The following OTOGL variants were observed in gnomAD, a reference collection of about 807,000 sequenced individuals.
OTOGL encodes the protein otogelin-like protein.
Under a neutral mutation model 318.5 loss-of-function variants are expected in OTOGL, and 285 were observed. The observed-to-expected ratio is 0.89, with a 90% confidence interval of 0.81 to 0.99. OTOGL has a LOEUF of 0.99. Ranked by LOEUF, OTOGL falls within the 50% of genes least tolerant of loss-of-function variation. OTOGL has a pLI of 0.00. For synonymous variants in OTOGL, 987 were observed against 936.5 expected, an observed-to-expected ratio of 1.05 and a Z score of -0.99; for missense variants, 2,899 against 2,845.6, an observed-to-expected ratio of 1.02 and a Z score of -0.43.
At chr12:80,156,201 A>C (rs944527867) in intron 1 of OTOGL, among the ~76,000 whole-genome samples, 4 of 152,224 alleles carry the variant, frequency 2.6e-5, no homozygotes, top group African/African-American at 9.6e-5. Context: ...GAATGGAAGC[A>C]GGCAGAAGAA....
intron 26 of OTOGL, among the ~76,000 whole-genome samples, chr12:80,291,752 C>T (rs970868801): frequency 1.3e-5 from 2 of 152,204 alleles, no homozygotes; most frequent in African/African-American, 4.8e-5. Flanking sequence ...GCGTCTCCAA[C>T]TGTTTCCTGT....
At chr12:80,292,188 A>G (rs1885090343) in intron 26 of OTOGL, among the ~76,000 whole-genome samples, 1 of 152,114 alleles carries the variant, frequency 6.6e-6, no homozygotes, top group African/African-American at 2.4e-5. Flanking sequence ...GGGTTTCTCC[A>G]TGTTGGTCAG....
intron 1 of OTOGL, among the ~76,000 whole-genome samples, chr12:80,127,650 C>T (rs1870940554): frequency 6.6e-6 from 1 of 152,158 alleles, no homozygotes; most frequent in Non-Finnish European, 1.5e-5. Flanking sequence ...AACTTGGTTC[C>T]ATTCTCTCCG....
At chr12:80,146,655 C>T (rs1872386857) in intron 1 of OTOGL, among the ~76,000 whole-genome samples, 1 of 151,906 alleles carries the variant, frequency 6.6e-6, no homozygotes, top group Non-Finnish European at 1.5e-5. Flanking sequence ...CCTTGTACCT[C>T]TGCTAGAATT....
intron 26 of OTOGL, among the ~76,000 whole-genome samples, chr12:80,292,158 T>G (rs1304157462): frequency 6.6e-6 from 1 of 152,042 alleles, no homozygotes; most frequent in Non-Finnish European, 1.5e-5. Flanking sequence ...CTGGCTAATT[T>G]TGTATTTTTA....
chr12:80,212,086 G>A lies in OTOGL; in HGVS notation c.168+89G>A, dbSNP rs1437008134. ...GTCACTTCAACAATGAGACCTTTGT[G>A]GAGGGGAATAAAATGCTAAGAACAA... On this transcript the variant is annotated intron_variant, in intron 4 of 58. Transcript: ENST00000547103. 5.5e-6 allele frequency: 7 copies of A among 1,280,516 alleles called. No individual in the cohort carries two copies. The Admixed American group carries it at 1.3e-4, about 23-fold the overall frequency. 79.3% of individuals were successfully genotyped at this position (1,280,516 alleles called of 1,614,324 possible).
chr12:80,262,714 C>T (rs1194898496), intron 19 of OTOGL, among the ~76,000 whole-genome samples: 1 of 151,880 alleles, frequency 6.6e-6, no homozygotes, highest in African/African-American at 2.4e-5. Context: ...GTCCAGTTCA[C>T]TTTGCAATAA....
intron 46 of OTOGL, among the ~76,000 whole-genome samples, chr12:80,354,578 T>C (rs1389760754): frequency 6.6e-6 from 1 of 152,134 alleles, no homozygotes; most frequent in Non-Finnish European, 1.5e-5. Flanking sequence ...GTCATAGGCC[T>C]CTTCATTACG....
intron 1 of OTOGL, among the ~76,000 whole-genome samples, chr12:80,109,773 A>AT (rs1372836226): frequency 2.0e-5 from 3 of 152,352 alleles, no homozygotes; most frequent in Admixed American, 6.5e-5. Context: ...TGACCACCAC[A>AT]TTAGTCTTTA....
At chr12:80,170,366 G>A (rs1874123821) in intron 1 of OTOGL, among the ~76,000 whole-genome samples, 1 of 152,010 alleles carries the variant, frequency 6.6e-6, no homozygotes. Context: ...GTGATTATGT[G>A]CCATTGGTAT....
In OTOGL at chr12:80,348,546, C is replaced by A. The variant is rs1217638938; in HGVS notation, c.5266-3749C>A. Among the ~76,000 whole-genome samples, 7 of 152,046 alleles carry A rather than the reference C, an allele frequency of 4.6e-5. No individual in the cohort carries two copies. The East Asian group carries it at 1.3e-3, about 29-fold the overall frequency. On this transcript the variant is annotated intron_variant, in intron 44 of 58. Transcript: ENST00000547103. ...TAGTCTTCTACCACTGAGCTTCATC[C>A]TTGTTTGCAAATCTCTACAAAGCAG...
At chr12:80,376,332 G>T (rs1566026144) in intron 57 of OTOGL, among the ~76,000 whole-genome samples, 1 of 152,086 alleles carries the variant, frequency 6.6e-6, no homozygotes, top group African/African-American at 2.4e-5. Context: ...TCACTCTTTT[G>T]TAAGTAAGGA....
At chr12:80,374,954 A>G (rs1891096094) in intron 57 of OTOGL, among the ~76,000 whole-genome samples, 1 of 152,214 alleles carries the variant, frequency 6.6e-6, no homozygotes, top group South Asian at 2.1e-4. Context: ...TAGAAGGTTC[A>G]GAGAGAAGCT....
intron 53 of OTOGL, among the ~76,000 whole-genome samples, chr12:80,367,116 A>G (rs1337981436): frequency 1.4e-5 from 2 of 147,242 alleles, no homozygotes; most frequent in Non-Finnish European, 3.0e-5. Flanking sequence ...AGCTTGTACT[A>G]CAGACATGCA....
chr12:80,164,296 G>T (rs1565884835), intron 1 of OTOGL, among the ~76,000 whole-genome samples: 1 of 152,058 alleles, frequency 6.6e-6, no homozygotes, highest in African/African-American at 2.4e-5. Flanking sequence ...TAAAAAACTA[G>T]AAGACCATTA....
chr12:80,272,602 A>G (rs530539401), intron 24 of OTOGL, among the ~76,000 whole-genome samples: 2 of 151,956 alleles, frequency 1.3e-5, no homozygotes, highest in South Asian at 4.1e-4. Flanking sequence ...AGTGCCATCT[A>G]AGGCAAACAG....
rs116505511 is a variant in OTOGL, at chr12:80,236,238, A to G, written c.818-2613A>G. On this transcript the variant is annotated intron_variant, in intron 9 of 58. Transcript: ENST00000547103. The stretch of plus-strand genomic sequence containing the variant: ...TCATGTCTACATCTAGCTATGTGAC[A>G]ACATAGAAGTCCTGGTCTACTTTCA... 4.5e-3 allele frequency among the ~76,000 whole-genome samples: 687 copies of G among 152,364 alleles called. 7 individuals carry two copies. Among genetic ancestry groups the G allele is most frequent in the African/African-American group, 0.015 (643 of 41,596 alleles).
intron 1 of OTOGL, among the ~76,000 whole-genome samples, chr12:80,151,540 C>T (rs1369409021): frequency 6.6e-6 from 1 of 152,146 alleles, no homozygotes; most frequent in African/African-American, 2.4e-5. Context: ...TATCTGGAGA[C>T]ATTAAAAGCA....
rs186218284 is a variant in OTOGL at position 80,210,141 on chromosome 12, G to A, written c.79+631G>A. Among the ~76,000 whole-genome samples, 91 of 151,780 alleles carry A rather than the reference G, an allele frequency of 6.0e-4. No individual in the cohort carries two copies. In the East Asian group the frequency reaches 0.013, roughly 21 times the overall value. On this transcript the variant is annotated intron_variant, in intron 2 of 58. Transcript: ENST00000547103. ...TTAAAATGACATAACACACCTTCAC[G>A]TGCCTTCACCCAGTTCCATAACTAT...
Sources: allele counts gnomAD v4.1 joint callset (sites outside exome capture counted in the v4.1 genomes callset), GRCh38; gene constraint gnomAD v4.1.1; transcripts MANE v1.5; gene names NCBI Gene and HGNC (gene_info 2026-07-23, HGNC 2026-07-21).